Variants in TIAM1 observed in about 807,000 individuals in gnomAD.
The protein encoded by TIAM1 is rho guanine nucleotide exchange factor TIAM1.
In TIAM1, 65 loss-of-function variants were observed where a neutral mutation model predicts 163.5. That is an observed-to-expected ratio of 0.40 (90% CI 0.33 to 0.49). The LOEUF (loss-of-function observed/expected upper bound fraction) is 0.49, where lower values mean the gene tolerates loss of function less well. TIAM1 is among the 20% of genes least tolerant of loss of function. The pLI is 0.77. For missense variants in TIAM1, 1,789 were observed against 2,044.7 expected, an observed-to-expected ratio of 0.87 and a Z score of 2.41; for synonymous variants, 833 against 810.1, an observed-to-expected ratio of 1.03 and a Z score of -0.48.
intron 1 of TIAM1, among the ~76,000 whole-genome samples, chr21:31,541,879 G>A (rs1338235036): frequency 1.3e-5 from 2 of 152,200 alleles, no homozygotes; most frequent in Admixed American, 1.3e-4. Context: ...TCCATGTGCA[G>A]CACAAAATCC....
chr21:31,512,238 A>C (rs922957968), intron 1 of TIAM1, among the ~76,000 whole-genome samples: 1 of 151,474 alleles, frequency 6.6e-6, no homozygotes, highest in African/African-American at 2.4e-5. Context: ...CTGGGACTAC[A>C]GGCACATATC....
At chr21:31,383,940 T>A (rs1293920474) in intron 2 of TIAM1, among the ~76,000 whole-genome samples, 6 of 152,112 alleles carry the variant, frequency 3.9e-5, no homozygotes, top group African/African-American at 1.4e-4. Context: ...AATGGACAGG[T>A]TTCTAGATCT....
chr21:31,261,324 T>C (rs1182784001), intron 4 of TIAM1, among the ~76,000 whole-genome samples: 1 of 151,686 alleles, frequency 6.6e-6, no homozygotes, highest in Non-Finnish European at 1.5e-5. Context: ...TCTGAGGATA[T>C]TGAGCTGAAA....
intron 2 of TIAM1, among the ~76,000 whole-genome samples, chr21:31,313,163 C>G (rs2074993689): frequency 6.6e-6 from 1 of 152,200 alleles, no homozygotes; most frequent in East Asian, 1.9e-4. Context: ...GCGTAATTTT[C>G]TTTTCTAAGA....
At chr21:31,208,873 T>A (rs2086581505) in intron 11 of TIAM1, among the ~76,000 whole-genome samples, 1 of 152,240 alleles carries the variant, frequency 6.6e-6, no homozygotes, top group Admixed American at 6.5e-5. Context: ...ACAAACATTG[T>A]GTTGAATGAT....
chr21:31,379,985 G>T (rs1428027764), intron 2 of TIAM1, among the ~76,000 whole-genome samples: 1 of 152,164 alleles, frequency 6.6e-6, no homozygotes, highest in Non-Finnish European at 1.5e-5. Flanking sequence ...GGAACTGGCA[G>T]GGTATGTTGG....
chr21:31,184,385 T>G (rs929001305), intron 14 of TIAM1, among the ~76,000 whole-genome samples: 1 of 151,508 alleles, frequency 6.6e-6, no homozygotes, highest in Non-Finnish European at 1.5e-5. Context: ...GGATTACAGG[T>G]GTGAGCCACC....
intron 2 of TIAM1, among the ~76,000 whole-genome samples, chr21:31,459,776 A>C (rs1015275136): frequency 6.6e-6 from 1 of 152,190 alleles, no homozygotes; most frequent in African/African-American, 2.4e-5. Flanking sequence ...TTTGGACCAG[A>C]GTAAGAGTGA....
intron 1 of TIAM1, among the ~76,000 whole-genome samples, chr21:31,342,976 A>G (rs16988140): frequency 1.7e-3 from 255 of 152,316 alleles, no homozygotes; most frequent in African/African-American, 5.8e-3. Context: ...AAGAAAAATG[A>G]TAAAATCAGC....
chr21:31,322,227 G>A (rs900662194), intron 2 of TIAM1, among the ~76,000 whole-genome samples: 1 of 152,102 alleles, frequency 6.6e-6, no homozygotes, highest in Non-Finnish European at 1.5e-5. Flanking sequence ...TATGCAAAAA[G>A]GAAAGAAAAT....
At chr21:31,432,277 T>G (rs992465124) in intron 2 of TIAM1, among the ~76,000 whole-genome samples, 5 of 151,998 alleles carry the variant, frequency 3.3e-5, no homozygotes, top group African/African-American at 1.2e-4. Flanking sequence ...ATTTTTGTAT[T>G]TTTAGTGGAG....
At position 31,493,297 on chromosome 21, in the gene TIAM1, A is replaced by G. The variant is rs140274052; in HGVS notation, c.-421-29262T>C. 5.8e-3 allele frequency among the ~76,000 whole-genome samples: 887 copies of G among 152,322 alleles called. 23 individuals are homozygous for G. Among genetic ancestry groups the G allele is most frequent in the Admixed American group, 0.048 (732 of 15,300 alleles). On this transcript the variant is annotated intron_variant, in intron 1 of 28. Transcript: ENST00000286827. ...ATCTAATTAGGAGCAGGGAGGAGTAAGTGAAGGGTAAATACAGACACATAT... is the reference window on the plus strand; with the variant it reads ...ATCTAATTAGGAGCAGGGAGGAGTAGGTGAAGGGTAAATACAGACACATAT...
intron 2 of TIAM1, among the ~76,000 whole-genome samples, chr21:31,428,895 A>C (rs1392584318): frequency 6.6e-6 from 1 of 151,934 alleles, no homozygotes; most frequent in Non-Finnish European, 1.5e-5. Flanking sequence ...AAAAAAAAAA[A>C]AGTAAAAGTA....
At chr21:31,216,125 G>A (rs2087195210) in intron 9 of TIAM1, among the ~76,000 whole-genome samples, 1 of 152,136 alleles carries the variant, frequency 6.6e-6, no homozygotes. Context: ...AGCCGAGATT[G>A]CACCACTGCA....
chr21:31,423,718 A>AAAAC (rs1555975901), intron 2 of TIAM1, among the ~76,000 whole-genome samples: 2 of 145,980 alleles, frequency 1.4e-5, no homozygotes, highest in East Asian at 2.2e-4. Flanking sequence ...AAAAAAAAAA[A>AAAAC]AAAAAAAAAA....
intron 2 of TIAM1, among the ~76,000 whole-genome samples, chr21:31,313,093 G>A (rs192444303): frequency 1.6e-4 from 25 of 152,274 alleles, no homozygotes; most frequent in Admixed American, 1.4e-3. Context: ...AATAAGATAC[G>A]ACAAGCCCAA....
At chr21:31,408,785 C>T (rs138548889) in intron 2 of TIAM1, among the ~76,000 whole-genome samples, 314 of 152,324 alleles carry the variant, frequency 2.1e-3, no homozygotes, top group African/African-American at 7.1e-3. Flanking sequence ...GACAATGGTT[C>T]TCTAAGTATG....
rs148571577 is a variant in TIAM1 at position 31,153,074 on chromosome 21, G to C, written c.3232C>G (p.Gln1078Glu). 357 of 1,613,528 alleles carry C rather than the reference G, an allele frequency of 2.2e-4. 2 individuals are homozygous for C. In the African/African-American group the frequency reaches 4.4e-3, roughly 20 times the overall value. ...KPLQKETFLT[Q>E]DELDVLFGNL... ...AACCATTTCCAGCATACCTCATCCT[G>C]GGTGAGAAAAGTTTCTTTTTGAAGA... is the stretch of plus-strand genomic sequence containing the variant. Residue 1078 changes from glutamine to glutamate, a missense_variant, in exon 18 of 28, where the codon CAG (glutamine) becomes GAG (glutamate). Physicochemically the swap from Gln to Glu is conservative, Grantham distance 29. This residue lies in a region of TIAM1 where 303 missense variants were observed against 321.3 expected (regional missense o/e 0.94). Transcript: ENST00000541036.
chr21:31,220,655 G>A (rs924316322), intron 8 of TIAM1, among the ~76,000 whole-genome samples: 3 of 152,142 alleles, frequency 2.0e-5, no homozygotes, highest in Non-Finnish European at 4.4e-5. Flanking sequence ...TTTCTTATAA[G>A]CAGTAATTCT....
Sources: allele counts gnomAD v4.1 joint callset (sites outside exome capture counted in the v4.1 genomes callset), GRCh38; gene constraint gnomAD v4.1.1; regional missense constraint gnomAD v4.1.1; transcripts MANE v1.5; gene names NCBI Gene and HGNC (gene_info 2026-07-23, HGNC 2026-07-21).